Variants in FAF1 observed in about 807,000 individuals in gnomAD.
FAF1 encodes FAS-associated factor 1.
In FAF1, 25 loss-of-function variants were observed where a neutral mutation model predicts 92.5. The ratio of observed to expected loss-of-function variants is 0.27; its 90% CI spans 0.20 to 0.38. The LOEUF is 0.38. Among genes scored for constraint, FAF1 ranks in the 10% least tolerant of loss-of-function variants. The pLI, the probability that FAF1 is intolerant of heterozygous loss-of-function variation, is 1.00. For synonymous variants in FAF1, 234 were observed against 273.2 expected (o/e 0.86, Z 1.42); for missense variants, 636 against 793.3 (o/e 0.80, Z 2.38).
intron 1 of FAF1, among the ~76,000 whole-genome samples, chr1:50,922,148 CAG>C (rs936706041): frequency 2.1e-5 from 3 of 141,648 alleles, no homozygotes; most frequent in African/African-American, 5.3e-5. Flanking sequence ...ACCTGGGTAA[CAG>C]AGAGAGACTC....
At chr1:50,884,890 C>A (rs1246242596) in intron 1 of FAF1, among the ~76,000 whole-genome samples, 1 of 152,060 alleles carries the variant, frequency 6.6e-6, no homozygotes. Context: ...CAGTTGAGAC[C>A]ATTGAGTCCC....
At chr1:50,659,906 A>G (rs992340914) in intron 7 of FAF1, among the ~76,000 whole-genome samples, 1 of 151,754 alleles carries the variant, frequency 6.6e-6, no homozygotes, top group East Asian at 1.9e-4. Context: ...GTATAGAATT[A>G]ATATGGTACT....
At chr1:50,831,431 T>C (rs1340413456) in intron 2 of FAF1, among the ~76,000 whole-genome samples, 1 of 152,318 alleles carries the variant, frequency 6.6e-6, no homozygotes, top group Non-Finnish European at 1.5e-5. Context: ...GCCTGTCATA[T>C]TGTACTGCAG....
chr1:50,709,882 G>T (rs1164467482), intron 6 of FAF1, among the ~76,000 whole-genome samples: 1 of 152,192 alleles, frequency 6.6e-6, no homozygotes, highest in Non-Finnish European at 1.5e-5. Flanking sequence ...ATACTTTAAA[G>T]TACTATGAAG....
chr1:50,568,971 G>C (rs1650299125), intron 12 of FAF1, among the ~76,000 whole-genome samples: 1 of 152,116 alleles, frequency 6.6e-6, no homozygotes, highest in South Asian at 2.1e-4. Flanking sequence ...CATTCAACAA[G>C]CATTTGTTGA....
At chr1:50,865,531 C>CT (rs1283977684) in intron 1 of FAF1, among the ~76,000 whole-genome samples, 6 of 138,226 alleles carry the variant, frequency 4.3e-5, no homozygotes, top group African/African-American at 1.6e-4. Flanking sequence ...AGTTCATGTC[C>CT]TTTGTAGGGA....
Position 50,959,875 on chromosome 1 carries a change from C to T in FAF1, c.-64G>A, listed in dbSNP as rs1645301540. 8.3e-7 allele frequency: 1 copy of T among 1,203,360 alleles called. No individual in the cohort carries two copies. The allele number at this position is 1,203,360 out of a possible 1,614,324, so 74.5% of individuals were successfully genotyped here. On this transcript the variant is annotated 5_prime_UTR_variant, in exon 1 of 19. Coordinates refer to ENST00000396153, the MANE Select transcript of FAF1 (RefSeq NM_007051.3). ...GCACCTGGGAGGCAGACGGCACCTC[C>T]TGCGACCGTCGCCGCCACCGCCGCC... is the stretch of plus-strand genomic sequence containing the variant.
intron 7 of FAF1, among the ~76,000 whole-genome samples, chr1:50,668,035 C>T (rs1449842467): frequency 1.3e-5 from 2 of 152,188 alleles, no homozygotes; most frequent in African/African-American, 4.8e-5. Flanking sequence ...GCAACAGAAC[C>T]TCAGTCTATA....
chr1:50,796,042 T>TA (rs1661735743), intron 3 of FAF1, among the ~76,000 whole-genome samples: 1 of 148,918 alleles, frequency 6.7e-6, no homozygotes, highest in African/African-American at 2.5e-5. Context: ...CTTCACCAGG[T>TA]AAAAAAACAA....
intron 7 of FAF1, among the ~76,000 whole-genome samples, chr1:50,703,034 A>C (rs1182911253): frequency 6.6e-6 from 1 of 151,752 alleles, no homozygotes; most frequent in Non-Finnish European, 1.5e-5. Context: ...AAATACACTA[A>C]AAAAATGACC....
At chr1:50,904,820 C>A (rs1376969252) in intron 1 of FAF1, among the ~76,000 whole-genome samples, 3 of 151,934 alleles carry the variant, frequency 2.0e-5, no homozygotes, top group Non-Finnish European at 4.4e-5. Context: ...TACTACCCAA[C>A]TAAAAAAATA....
chr1:50,778,461 ACTTACTAATAGC>A (rs1328146523), intron 4 of FAF1, among the ~76,000 whole-genome samples: 2 of 152,214 alleles, frequency 1.3e-5, no homozygotes, highest in African/African-American at 4.8e-5. Flanking sequence ...CTCTCCAAAA[ACTTACTAATAGC>A]CTACTGTTGA....
chr1:50,764,493 T>A (rs1457693010), intron 4 of FAF1, among the ~76,000 whole-genome samples: 1 of 152,214 alleles, frequency 6.6e-6, no homozygotes, highest in East Asian at 1.9e-4. Flanking sequence ...GGGAATCTCC[T>A]AGCTCTTTAA....
chr1:50,750,387 ATTATGAT>A (rs776953353), intron 4 of FAF1, among the ~76,000 whole-genome samples: 26 of 152,320 alleles, frequency 1.7e-4, no homozygotes, highest in Non-Finnish European at 3.4e-4. Flanking sequence ...ACTTAATTGG[ATTATGAT>A]TTATATGTAA....
chr1:50,520,844 C>CA (rs992863395), intron 15 of FAF1, among the ~76,000 whole-genome samples: 1 of 151,952 alleles, frequency 6.6e-6, no homozygotes, highest in African/African-American at 2.4e-5. Flanking sequence ...CACCCTGTCT[C>CA]AAAAAACCAA....
intron 6 of FAF1, among the ~76,000 whole-genome samples, chr1:50,712,237 T>G (rs938966978): frequency 2.6e-5 from 4 of 152,212 alleles, no homozygotes; most frequent in African/African-American, 9.6e-5. Flanking sequence ...TAAGGTGCTA[T>G]GGAAACACAG....
chr1:50,676,309 A>T (rs2124353327), intron 7 of FAF1, among the ~76,000 whole-genome samples: 1 of 152,126 alleles, frequency 6.6e-6, no homozygotes, highest in East Asian at 1.9e-4. Context: ...CAGGAGGCTG[A>T]GGCAGGAGAA....
At position 50,712,317 on chromosome 1, in the gene FAF1, T is replaced by G. The variant is rs147759484; in HGVS notation, c.552-6426A>C. ...CATGTGAACTGCTTAAGTTTTGTTTTGTGATGACTCTGAGGAGAGGGGTTA... is the reference window on the plus strand; with the variant it reads ...CATGTGAACTGCTTAAGTTTTGTTTGGTGATGACTCTGAGGAGAGGGGTTA... On this transcript the variant is annotated intron_variant, in intron 6 of 18. Transcript: ENST00000396153. 3.8e-3 allele frequency among the ~76,000 whole-genome samples: 583 copies of G among 152,306 alleles called. 4 individuals carry two copies. The highest frequency in any genetic ancestry group is 0.013 in the African/African-American group (559 of 41,582).
At chr1:50,498,923 A>T (rs1267783026) in intron 15 of FAF1, among the ~76,000 whole-genome samples, 2 of 152,152 alleles carry the variant, frequency 1.3e-5, no homozygotes, top group Admixed American at 1.3e-4. Flanking sequence ...AATGGCCAGT[A>T]CAGGCATGTT....
Sources: allele counts gnomAD v4.1 joint callset (sites outside exome capture counted in the v4.1 genomes callset), GRCh38; gene constraint gnomAD v4.1.1; transcripts MANE v1.5; gene names NCBI Gene and HGNC (gene_info 2026-07-23, HGNC 2026-07-21).